WDR19: variants seen among roughly 807,000 people sequenced by gnomAD.
WDR19 encodes WD repeat domain 19, also known as WD repeat-containing protein 19.
WDR19 carries 121 observed loss-of-function variants against 180.0 expected under a neutral mutation model. The ratio of observed to expected loss-of-function variants is 0.67; its 90% CI spans 0.58 to 0.78. The LOEUF is 0.78. WDR19 is among the 30% of genes least tolerant of loss of function. The pLI is 0.00. For missense variants in WDR19, 1,450 were observed against 1,640.7 expected (o/e 0.88, Z 2.01); for synonymous variants, 497 against 540.7 (o/e 0.92, Z 1.12).
chr4:39,216,741 T>A (rs936785933), intron 12 of WDR19, among the ~76,000 whole-genome samples: 2 of 152,198 alleles, frequency 1.3e-5, no homozygotes, highest in African/African-American at 4.8e-5. Flanking sequence ...TTTCTTCCCC[T>A]GCCTCCTCCC....
intron 14 of WDR19, among the ~76,000 whole-genome samples, chr4:39,224,371 ATTTTTAT>A (rs1031003395): frequency 3.3e-5 from 5 of 151,802 alleles, no homozygotes; most frequent in Non-Finnish European, 7.4e-5. Flanking sequence ...TTTTATTTTT[ATTTTTAT>A]TTTTTATTTT....
intron 17 of WDR19, among the ~76,000 whole-genome samples, chr4:39,230,073 A>G (rs1730683055): frequency 6.6e-6 from 1 of 152,126 alleles, no homozygotes; most frequent in African/African-American, 2.4e-5. Flanking sequence ...TGAAGATGTG[A>G]TTTGATCCTC....
At chr4:39,192,246 A>T (rs1158398881) in intron 4 of WDR19, among the ~76,000 whole-genome samples, 1 of 152,152 alleles carries the variant, frequency 6.6e-6, no homozygotes, top group Admixed American at 6.5e-5. Flanking sequence ...TTTTTAGCTC[A>T]TGCAAAATTA....
chr4:39,271,903 C>T, intron 31 of WDR19, among the ~76,000 whole-genome samples: 1 of 152,178 alleles, frequency 6.6e-6, no homozygotes, highest in East Asian at 1.9e-4. Context: ...GCAGCTAGTA[C>T]AGCTGATAAA....
At position 39,242,908 on chromosome 4, in the gene WDR19, T is replaced by C. The variant is rs1412521112; in HGVS notation, c.2422-1340T>C. Among the ~76,000 whole-genome samples the C allele has an allele frequency of 2.0e-5, 3 of 152,092 alleles. No homozygotes were observed. In the East Asian group the frequency reaches 5.8e-4, roughly 29 times the overall value. On this transcript the variant is annotated intron_variant, in intron 21 of 36. Coordinates refer to ENST00000399820, the MANE Select transcript of WDR19 (RefSeq NM_025132.4). The stretch of plus-strand genomic sequence containing the variant: ...GTCTTGAACTCCTGGCCTCAAGTGA[T>C]CCGCCCACCTCAGCCTCCCAAAGTG...
chr4:39,236,910 G>T (rs1731443674), intron 20 of WDR19, among the ~76,000 whole-genome samples: 1 of 152,112 alleles, frequency 6.6e-6, no homozygotes, highest in South Asian at 2.1e-4. Flanking sequence ...TTGCATCGAA[G>T]TGTAATTTTA....
At chr4:39,282,822 A>G (rs1736696599) in intron 36 of WDR19, among the ~76,000 whole-genome samples, 1 of 152,242 alleles carries the variant, frequency 6.6e-6, no homozygotes, top group Non-Finnish European at 1.5e-5. Flanking sequence ...TACGTAGGAA[A>G]GTGCAATTAA....
At chr4:39,254,159 A>G (rs1733532512) in intron 26 of WDR19, 129 bp downstream of exon 26, 2 of 806,716 alleles carry the variant, frequency 2.5e-6, no homozygotes, top group East Asian at 3.2e-5. Flanking sequence ...CCATTTATAC[A>G]TAGACACACA....
At chr4:39,209,720 A>AAG in intron 9 of WDR19, among the ~76,000 whole-genome samples, 1 of 151,754 alleles carries the variant, frequency 6.6e-6, no homozygotes, top group Non-Finnish European at 1.5e-5. Context: ...TCAAAAAAAA[A>AAG]AAAAAAAAAT....
Position 39,186,478 on chromosome 4 carries a change from CAAAAA to C in WDR19, c.99-39_99-35del, listed in dbSNP as rs71192831. ...TGGGCAACAGAGGGAGACTCTGTCT[CAAAAA>C]AAAAAAAAAAAAAAAAAAAAAGTAA... On this transcript the variant is annotated intron_variant, in intron 2 of 36. Transcript: ENST00000399820. 7.0e-3 allele frequency: 2,519 copies of C among 361,396 alleles called. 1 individual carries two copies. The highest frequency in any genetic ancestry group is 0.012 in the East Asian group (85 of 7,380). 22.4% of individuals were successfully genotyped at this position (361,396 alleles called of 1,614,324 possible).
intron 24 of WDR19, among the ~76,000 whole-genome samples, chr4:39,247,133 G>A (rs1395931330): frequency 6.6e-6 from 1 of 152,108 alleles, no homozygotes. Flanking sequence ...CTCACACGGG[G>A]CTGGGTACTC....
At chr4:39,184,371 C>T (rs976463788) in intron 1 of WDR19, among the ~76,000 whole-genome samples, 15 of 151,794 alleles carry the variant, frequency 9.9e-5, no homozygotes, top group African/African-American at 3.6e-4. Flanking sequence ...GATCGCCCCA[C>T]TGCACTCCAG....
chr4:39,267,010 G>C (rs1734866023), intron 29 of WDR19, among the ~76,000 whole-genome samples: 1 of 152,236 alleles, frequency 6.6e-6, no homozygotes, highest in Admixed American at 6.5e-5. Context: ...TTGAAGCCAG[G>C]AGGCAGAGGT....
chr4:39,254,072 C>G, intron 26 of WDR19, 42 bp downstream of exon 26: 2 of 1,579,196 alleles, frequency 1.3e-6, no homozygotes, highest in Non-Finnish European at 1.7e-6. Flanking sequence ...AGATGTTTAT[C>G]ATAAAAACAC....
intron 9 of WDR19, among the ~76,000 whole-genome samples, chr4:39,213,556 C>T (rs1318756153): frequency 1.3e-5 from 2 of 151,984 alleles, no homozygotes; most frequent in African/African-American, 4.8e-5. Flanking sequence ...TTAGTGATTC[C>T]CAGAGGTTAG....
At position 39,218,123 on chromosome 4, in the gene WDR19, T is replaced by C. The variant is rs1299176232; in HGVS notation, c.1479+18T>C. 1 of 1,587,400 alleles carries C rather than the reference T, an allele frequency of 6.3e-7. No individual in the cohort carries two copies. The highest frequency in any genetic ancestry group is 2.2e-5 in the East Asian group (1 of 44,556). On this transcript the variant is annotated intron_variant, in intron 14 of 36. Transcript: ENST00000399820. ...GTACAGATGTATGTATTGCCTTCTTTTTTAGAGAACACTGGGAATTTTTAA... is the reference window on the plus strand; with the variant it reads ...GTACAGATGTATGTATTGCCTTCTTCTTTAGAGAACACTGGGAATTTTTAA...
At chr4:39,193,491 A>G (rs1269573922) in intron 4 of WDR19, among the ~76,000 whole-genome samples, 2 of 152,116 alleles carry the variant, frequency 1.3e-5, no homozygotes, top group East Asian at 1.9e-4. Flanking sequence ...ATTTTATTAT[A>G]TGCTTCTATT....
Position 39,228,704 on chromosome 4 carries a change from C to T in WDR19, c.1982+14C>T, listed in dbSNP as rs769669184. ...AATGCTAAAGAGGTAGGCTTTCACACACTTCTTTTGGAACTTCTCATTTGC... is the reference window on the plus strand; with the variant it reads ...AATGCTAAAGAGGTAGGCTTTCACATACTTCTTTTGGAACTTCTCATTTGC... On this transcript the variant is annotated intron_variant, in intron 17 of 36. Coordinates refer to ENST00000399820, the MANE Select transcript of WDR19 (RefSeq NM_025132.4). The T allele has an allele frequency of 2.0e-6, 3 of 1,521,818 alleles. No individual in the cohort carries two copies. Among genetic ancestry groups the T allele is most frequent in the Non-Finnish European group, 2.6e-6 (3 of 1,134,284 alleles). 94.3% of individuals were successfully genotyped at this position (1,521,818 alleles called of 1,614,324 possible).
chr4:39,238,045 G>A lies in WDR19; in HGVS notation c.2364-2232G>A, dbSNP rs895037551. ...TTTCTGCTCATCACTTGACCATGAA[G>A]CCACCGATTCTCAAAGCTTTCACTG... On this transcript the variant is annotated intron_variant, in intron 20 of 36. Coordinates refer to ENST00000399820, the MANE Select transcript of WDR19 (RefSeq NM_025132.4). 1.1e-4 allele frequency: 16 copies of A among 152,194 alleles called. 1 individual carries two copies. Among genetic ancestry groups the A allele is most frequent in the South Asian group, 4.1e-4 (2 of 4,832 alleles). The allele number at this position is 152,194 out of a possible 1,614,324, so 9.4% of individuals were successfully genotyped here. A position where few individuals can be genotyped will look rare whatever the true frequency, so the allele number is the denominator to read the frequency against.
Sources: allele counts gnomAD v4.1 joint callset (sites outside exome capture counted in the v4.1 genomes callset), GRCh38; gene constraint gnomAD v4.1.1; transcripts MANE v1.5; gene names NCBI Gene and HGNC (gene_info 2026-07-23, HGNC 2026-07-21).